RBFOX1: variants seen among roughly 807,000 people sequenced by gnomAD.
RBFOX1 encodes RNA binding protein fox-1 homolog 1.
RBFOX1 carries 8 observed loss-of-function variants against 57.7 expected under a neutral mutation model. The ratio of observed to expected loss-of-function variants is 0.14; its 90% CI spans 0.08 to 0.25. The LOEUF (loss-of-function observed/expected upper bound fraction) is 0.25, where lower values mean the gene tolerates loss of function less well. Among genes scored for constraint, RBFOX1 ranks in the 10% least tolerant of loss-of-function variants. The pLI is 1.00. For synonymous variants in RBFOX1, 326 were observed against 222.4 expected (o/e 1.47, Z -4.15); for missense variants, 611 against 548.5 (o/e 1.11, Z -1.14).
chr16:7,099,286 G>A (rs1457008545), intron 4 of RBFOX1, among the ~76,000 whole-genome samples: 1 of 152,094 alleles, frequency 6.6e-6, no homozygotes. Flanking sequence ...GTGGGAAATG[G>A]CTCAAAAACC....
intron 1 of RBFOX1, among the ~76,000 whole-genome samples, chr16:6,031,325 G>T (rs1373326646): frequency 1.3e-5 from 2 of 152,176 alleles, no homozygotes; most frequent in Non-Finnish European, 2.9e-5. Context: ...CTGGGGTGGT[G>T]AGAGCAAGGG....
intron 3 of RBFOX1, among the ~76,000 whole-genome samples, chr16:6,943,430 C>T (rs375188063): frequency 3.7e-4 from 57 of 152,212 alleles, no homozygotes; most frequent in African/African-American, 8.4e-4. Flanking sequence ...GCCTGTGGGC[C>T]GGGCGTGGTG....
intron 1 of RBFOX1, among the ~76,000 whole-genome samples, chr16:6,186,861 G>C (rs982337442): frequency 5.9e-5 from 9 of 152,184 alleles, no homozygotes; most frequent in Non-Finnish European, 1.2e-4. Context: ...AGAATGTAGG[G>C]TCACACTGGT....
chr16:7,480,895 C>T (rs778642021), intron 4 of RBFOX1, among the ~76,000 whole-genome samples: 3 of 151,904 alleles, frequency 2.0e-5, no homozygotes, highest in Admixed American at 6.6e-5. Flanking sequence ...TGAGGGGATG[C>T]GAGGGACCTG....
At chr16:6,859,122 T>TAC (rs1567591837) in intron 3 of RBFOX1, among the ~76,000 whole-genome samples, 1 of 68,446 alleles carries the variant, frequency 1.5e-5, no homozygotes, top group Non-Finnish European at 2.5e-5. Flanking sequence ...TATATATATA[T>TAC]ATATATACAT....
chr16:6,369,314 A>G (rs1372717894), intron 2 of RBFOX1, among the ~76,000 whole-genome samples: 1 of 152,194 alleles, frequency 6.6e-6, no homozygotes, highest in African/African-American at 2.4e-5. Context: ...CCTTAGATGT[A>G]TTCTGCTGAA....
chr16:7,094,762 GT>G (rs2061413490), intron 4 of RBFOX1, among the ~76,000 whole-genome samples: 6 of 140,182 alleles, frequency 4.3e-5, no homozygotes, highest in African/African-American at 1.2e-4. Flanking sequence ...GTGTGTGTGT[GT>G]GTGTGTGTGT....
intron 3 of RBFOX1, among the ~76,000 whole-genome samples, chr16:6,743,153 C>T (rs537021495): frequency 6.6e-5 from 10 of 152,044 alleles, no homozygotes; most frequent in African/African-American, 2.2e-4. Flanking sequence ...TACTGTAAAC[C>T]CTTAAGTTCC....
At chr16:6,698,271 T>TG (rs984740132) in intron 3 of RBFOX1, among the ~76,000 whole-genome samples, 1 of 152,158 alleles carries the variant, frequency 6.6e-6, no homozygotes, top group Non-Finnish European at 1.5e-5. Flanking sequence ...ACAGAAGATA[T>TG]GGGGGGTAAT....
intron 3 of RBFOX1, among the ~76,000 whole-genome samples, chr16:6,964,295 A>C (rs1202538331): frequency 6.6e-6 from 1 of 152,224 alleles, no homozygotes; most frequent in African/African-American, 2.4e-5. Flanking sequence ...GTGGGATTAT[A>C]GGCATGAGCT....
At chr16:5,657,217 C>A (rs577812658) in intron 3 of RBFOX1, among the ~76,000 whole-genome samples, 1 of 152,328 alleles carries the variant, frequency 6.6e-6, no homozygotes, top group South Asian at 2.1e-4. Context: ...TCTGGTTTCA[C>A]TGACTTCAAA....
intron 10 of RBFOX1, among the ~76,000 whole-genome samples, chr16:7,608,333 A>T (rs1435672954): frequency 6.6e-6 from 1 of 152,206 alleles, no homozygotes; most frequent in Non-Finnish European, 1.5e-5. Flanking sequence ...CTCTGGCACA[A>T]CAACCAGTCT....
At chr16:7,451,721 C>T (rs1333050550) in intron 4 of RBFOX1, among the ~76,000 whole-genome samples, 3 of 137,116 alleles carry the variant, frequency 2.2e-5, no homozygotes, top group Non-Finnish European at 4.6e-5. Context: ...AGGCTTCCAG[C>T]ACTTTTCTGA....
intron 1 of RBFOX1, among the ~76,000 whole-genome samples, chr16:5,440,294 C>T (rs2068045727): frequency 6.6e-6 from 1 of 152,214 alleles, no homozygotes; most frequent in African/African-American, 2.4e-5. Flanking sequence ...TATATATTCA[C>T]ATCCAAGTTT....
chr16:7,631,436 G>A (rs1252116780), intron 11 of RBFOX1, among the ~76,000 whole-genome samples: 1 of 152,148 alleles, frequency 6.6e-6, no homozygotes, highest in Non-Finnish European at 1.5e-5. Context: ...CCAATTCCCA[G>A]AGCAGGTAGA....
At chr16:7,650,578 T>C (rs2064833888) in intron 11 of RBFOX1, among the ~76,000 whole-genome samples, 1 of 151,034 alleles carries the variant, frequency 6.6e-6, no homozygotes. Context: ...TCTCTCTCTC[T>C]TGCCAAGCTT....
chr16:6,281,061 G>A (rs1481590244), intron 1 of RBFOX1, among the ~76,000 whole-genome samples: 2 of 151,888 alleles, frequency 1.3e-5, no homozygotes, highest in East Asian at 3.9e-4. Flanking sequence ...GTCTGCTTTG[G>A]AGATGTTAGA....
chr16:6,653,830 G>A (rs1426989180), intron 2 of RBFOX1, among the ~76,000 whole-genome samples: 1 of 151,614 alleles, frequency 6.6e-6, no homozygotes, highest in Admixed American at 6.6e-5. Flanking sequence ...GAAGGATGCA[G>A]GATAGATGGA....
At chr16:5,687,659 C>T (rs933641511) in intron 3 of RBFOX1, among the ~76,000 whole-genome samples, 4 of 152,074 alleles carry the variant, frequency 2.6e-5, no homozygotes, top group Admixed American at 2.0e-4. Context: ...CTAGGGTGAC[C>T]GACCATTCCA....
Sources: gnomAD v4.1 joint callset for allele counts (sites outside exome capture counted in the v4.1 genomes callset) on GRCh38, gnomAD v4.1.1 for gene constraint, MANE v1.5 for transcripts, NCBI Gene and HGNC (gene_info 2026-07-23, HGNC 2026-07-21) for gene names.